The following PNPLA8 variants were observed in gnomAD, a reference collection of about 807,000 sequenced individuals.
The protein encoded by PNPLA8 is calcium-independent phospholipase A2-gamma.
In PNPLA8, 39 loss-of-function variants were observed where a neutral mutation model predicts 76.9. The ratio of observed to expected loss-of-function variants is 0.51; its 90% CI spans 0.39 to 0.66. PNPLA8 has a LOEUF of 0.66. Among genes scored for constraint, PNPLA8 ranks in the 30% least tolerant of loss-of-function variants. The probability of loss-of-function intolerance (pLI) is 0.00; values close to 1 mark genes in which losing one functional copy is unlikely to be tolerated. For synonymous variants in PNPLA8, 301 were observed against 307.9 expected (o/e 0.98, Z 0.24); for missense variants, 887 against 918.0 (o/e 0.97, Z 0.44).
intron 4 of PNPLA8, among the ~76,000 whole-genome samples, chr7:108,504,328 T>G (rs900361549): frequency 2.0e-5 from 3 of 152,114 alleles, no homozygotes; most frequent in Non-Finnish European, 4.4e-5. Flanking sequence ...CATATTAGAA[T>G]TACCACAAAA....
At chr7:108,502,297 G>T (rs1161646746) in intron 5 of PNPLA8, among the ~76,000 whole-genome samples, 194 bp downstream of exon 5, 1 of 151,544 alleles carries the variant, frequency 6.6e-6, no homozygotes, top group African/African-American at 2.4e-5. Flanking sequence ...ACAAAAATTA[G>T]CCGGGTATGG....
intron 7 of PNPLA8, 157 bp downstream of exon 7, chr7:108,496,427 C>T (rs1396730487): frequency 8.1e-6 from 4 of 492,438 alleles, no homozygotes; most frequent in African/African-American, 2.0e-5. Context: ...AAAATACTAA[C>T]AGTGGTTATC....
chr7:108,481,070 C>T (rs953575499), intron 9 of PNPLA8, among the ~76,000 whole-genome samples: 1 of 152,182 alleles, frequency 6.6e-6, no homozygotes. Context: ...CTTTTTACTG[C>T]TGATTGTATG....
At chr7:108,497,098 T>C (rs916719263) in intron 6 of PNPLA8, among the ~76,000 whole-genome samples, 15 of 152,160 alleles carry the variant, frequency 9.9e-5, no homozygotes, top group Admixed American at 6.5e-5. Flanking sequence ...TAAGATACTA[T>C]GGTAGATAAT....
Position 108,496,755 on chromosome 7 carries a change from C to G in PNPLA8, c.1454G>C (p.Gly485Ala). The change falls in exon 7 of 11, where the codon GGT (glycine) becomes GCT (alanine). Residue 485 changes from glycine (G) to alanine (A), a missense_variant and splice_region_variant. Transcript: ENST00000257694. The part of the protein sequence containing the change: ...LFDYICGVST[G>A]AILAFMLGLF... ...CCCCAACATGAAAGCTAATATGGCA[C>G]CTGGAAAAAAGAATCCTTAGCTTTT... 3 of 1,604,934 alleles carry G rather than the reference C, an allele frequency of 1.9e-6. No individual in the cohort carries two copies. The highest frequency in any genetic ancestry group is 2.6e-6 in the Non-Finnish European group (3 of 1,175,792).
upstream of PNPLA8, among the ~76,000 whole-genome samples, chr7:108,527,199 A>G (rs1864128235): frequency 6.6e-6 from 1 of 152,176 alleles, no homozygotes; most frequent in East Asian, 1.9e-4. Context: ...CTGTAAGGTT[A>G]TTGTAAAGTC....
chr7:108,526,219 C>G (rs1347338785), upstream of PNPLA8: 3 of 431,740 alleles, frequency 6.9e-6, no homozygotes, highest in African/African-American at 6.4e-5. Context: ...TTGGGTCTAC[C>G]CGCGGGCCGG....
At position 108,515,386 on chromosome 7, in the gene PNPLA8, T is replaced by C; in HGVS notation, c.106A>G (p.Lys36Glu). Residue 36 changes from lysine (K) to glutamate (E), a missense_variant, in exon 3 of 11, where the codon AAG becomes GAG. Coordinates refer to ENST00000257694, the MANE Select transcript of PNPLA8 (RefSeq NM_001256007.3). ...SKQLYFLFSP[K>E]HYWRISHISL... is the part of the protein sequence containing the mutation. ...ATGTGGCTTATCCTCCAGTAATGCTTAGGTGAGAACAAGAAATACAGTTGC... is the reference window on the plus strand; with the variant it reads ...ATGTGGCTTATCCTCCAGTAATGCTCAGGTGAGAACAAGAAATACAGTTGC... The C allele has an allele frequency of 6.2e-7, 1 of 1,613,350 alleles. No homozygotes were observed. Among genetic ancestry groups the C allele is most frequent in the South Asian group, 1.1e-5 (1 of 91,022 alleles).
intron 8 of PNPLA8, among the ~76,000 whole-genome samples, chr7:108,489,801 A>G (rs1440915954): frequency 6.6e-6 from 1 of 152,222 alleles, no homozygotes; most frequent in African/African-American, 2.4e-5. Flanking sequence ...AGCTGCATGA[A>G]ATTTCTAGGC....
chr7:108,522,474 T>C (rs1318121584), intron 1 of PNPLA8, among the ~76,000 whole-genome samples: 1 of 152,160 alleles, frequency 6.6e-6, no homozygotes, highest in Non-Finnish European at 1.5e-5. Context: ...AAAATTTTTG[T>C]ATGACCTGGA....
chr7:108,488,520 C>T (rs939052417), intron 8 of PNPLA8, among the ~76,000 whole-genome samples: 3 of 152,010 alleles, frequency 2.0e-5, no homozygotes, highest in Non-Finnish European at 2.9e-5. Flanking sequence ...TGGAGTGAGC[C>T]GAGATCACGT....
chr7:108,505,583 G>A (rs1218585377), intron 4 of PNPLA8, among the ~76,000 whole-genome samples: 1 of 151,142 alleles, frequency 6.6e-6, no homozygotes, highest in African/African-American at 2.4e-5. Flanking sequence ...GGATGGTCTT[G>A]ATCGCTTGAT....
At chr7:108,523,569 G>C (rs1220046732) in intron 1 of PNPLA8, among the ~76,000 whole-genome samples, 1 of 152,116 alleles carries the variant, frequency 6.6e-6, no homozygotes, top group Non-Finnish European at 1.5e-5. Context: ...TGACCTACGT[G>C]GCTAATATGG....
chr7:108,485,521 A>G (rs1232775980), intron 9 of PNPLA8, among the ~76,000 whole-genome samples: 1 of 152,136 alleles, frequency 6.6e-6, no homozygotes, highest in African/African-American at 2.4e-5. Context: ...TGTGACAGCT[A>G]AAAGGGATTT....
intron 6 of PNPLA8, among the ~76,000 whole-genome samples, chr7:108,496,959 T>G (rs922297168): frequency 2.6e-5 from 4 of 152,072 alleles, no homozygotes; most frequent in Non-Finnish European, 5.9e-5. Flanking sequence ...TCATGTGTCT[T>G]ACTGGGTTAA....
At chr7:108,484,339 T>C (rs573659009) in intron 9 of PNPLA8, among the ~76,000 whole-genome samples, 2 of 152,288 alleles carry the variant, frequency 1.3e-5, no homozygotes, top group East Asian at 1.9e-4. Context: ...CAGTAGGTCA[T>C]TGGGCTAATA....
chr7:108,473,452 T>C (rs563144014), intron 10 of PNPLA8, among the ~76,000 whole-genome samples: 1 of 152,300 alleles, frequency 6.6e-6, no homozygotes, highest in African/African-American at 2.4e-5. Context: ...TGCTGGTTCA[T>C]ATGGTAAAGG....
chr7:108,475,531 AT>A (rs1859926842), intron 10 of PNPLA8, among the ~76,000 whole-genome samples: 1 of 152,194 alleles, frequency 6.6e-6, no homozygotes, highest in African/African-American at 2.4e-5. Flanking sequence ...CCTTAACAAT[AT>A]TGAGATTTCC....
intron 8 of PNPLA8, among the ~76,000 whole-genome samples, chr7:108,489,007 T>C (rs969261584): frequency 1.3e-5 from 2 of 152,250 alleles, no homozygotes; most frequent in African/African-American, 2.4e-5. Context: ...GCGTTGGCCA[T>C]ATACTAAAAT....
Sources: allele counts gnomAD v4.1 joint callset (sites outside exome capture counted in the v4.1 genomes callset), GRCh38; gene constraint gnomAD v4.1.1; transcripts MANE v1.5; gene names NCBI Gene and HGNC (gene_info 2026-07-23, HGNC 2026-07-21).